METTL8: variants seen among roughly 807,000 people sequenced by gnomAD.
METTL8 encodes methyltransferase 8, tRNA N3-cytidine.
Under a neutral mutation model 48.7 loss-of-function variants are expected in METTL8, and 32 were observed. The observed-to-expected ratio is 0.66, with a 90% CI of 0.50 to 0.88. METTL8 has a LOEUF of 0.88. METTL8 is among the 40% of genes least tolerant of loss of function. METTL8 has a pLI of 0.00. For synonymous variants in METTL8, 136 were observed against 157.1 expected (o/e 0.87, Z 1.01); for missense variants, 464 against 474.4 (o/e 0.98, Z 0.20).
In METTL8 at chr2:171,320,121, T is replaced by C. The variant is rs1342854381; in HGVS notation, c.*4051A>G. 1 of 152,070 alleles carries C rather than the reference T, an allele frequency of 6.6e-6. No individual in the cohort carries two copies. The highest frequency in any genetic ancestry group is 2.1e-4 in the South Asian group (1 of 4,812). The allele number at this position is 152,070 out of a possible 1,614,324, so 9.4% of individuals were successfully genotyped here. A position where few individuals can be genotyped will look rare whatever the true frequency, so the allele number is the denominator to read the frequency against. On this transcript the variant is annotated 3_prime_UTR_variant, in exon 10 of 10. Transcript: ENST00000375258. ...TAACATCTATAGACAAAATTCCAAATAGGTCTTTCCCTTTTCTTTCTGTGC... is the reference window on the plus strand; with the variant it reads ...TAACATCTATAGACAAAATTCCAAACAGGTCTTTCCCTTTTCTTTCTGTGC...
chr2:171,409,002 A>G (rs1334155923), intron 1 of METTL8, among the ~76,000 whole-genome samples: 2 of 152,172 alleles, frequency 1.3e-5, no homozygotes, highest in Admixed American at 1.3e-4. Context: ...GCCTTCCACT[A>G]AGATGCTGCT....
At chr2:171,352,229 T>C (rs1361347221) in intron 3 of METTL8, among the ~76,000 whole-genome samples, 3 of 152,256 alleles carry the variant, frequency 2.0e-5, no homozygotes, top group Admixed American at 2.0e-4. Context: ...CATGTGGTTT[T>C]TATCTTTCCT....
chr2:171,365,408 C>T (rs1231363025), intron 2 of METTL8, among the ~76,000 whole-genome samples: 4 of 152,146 alleles, frequency 2.6e-5, no homozygotes, highest in Non-Finnish European at 1.5e-5. Context: ...CTTCCTCATC[C>T]GTTCCTACCC....
At chr2:171,370,707 C>A (rs985040819) in intron 2 of METTL8, among the ~76,000 whole-genome samples, 1 of 152,120 alleles carries the variant, frequency 6.6e-6, no homozygotes, top group Admixed American at 6.5e-5. Context: ...AGGAGAATGG[C>A]GTGAACCCGG....
rs1685055382 is a variant in METTL8 at position 171,327,310 on chromosome 2, A to G, written c.861-1162T>C. Reference sequence around the variant, plus strand: ...TGATTATGGGCCAGGGATGGCATAGATTTCAGATCTCATATTAATTCTGAG... The same window carrying G: ...TGATTATGGGCCAGGGATGGCATAGGTTTCAGATCTCATATTAATTCTGAG... On this transcript the variant is annotated intron_variant, in intron 7 of 9. Transcript: ENST00000375258. Among the ~76,000 whole-genome samples the G allele has an allele frequency of 3.9e-5, 6 of 152,300 alleles. No individual in the cohort carries two copies. In the South Asian group the frequency reaches 1.2e-3, roughly 32 times the overall value.
intron 6 of METTL8, among the ~76,000 whole-genome samples, 161 bp from the exon 7 acceptor site, chr2:171,330,859 C>A (rs1319068485): frequency 6.6e-6 from 1 of 151,978 alleles, no homozygotes; most frequent in African/African-American, 2.4e-5. Flanking sequence ...TAGCTTATTT[C>A]AAGCTGCCCT....
chr2:171,420,903 T>C (rs1167011377), intron 1 of METTL8, among the ~76,000 whole-genome samples: 7 of 152,220 alleles, frequency 4.6e-5, no homozygotes, highest in Non-Finnish European at 8.8e-5. Flanking sequence ...TTCATTAACT[T>C]GATAAAGGGT....
chr2:171,389,143 C>T (rs1183672337), intron 2 of METTL8, among the ~76,000 whole-genome samples: 2 of 152,156 alleles, frequency 1.3e-5, no homozygotes, highest in African/African-American at 4.8e-5. Flanking sequence ...AGGCCTTTTG[C>T]AAGCTGAGAT....
intron 3 of METTL8, among the ~76,000 whole-genome samples, chr2:171,340,198 CAAAA>C (rs35343261): frequency 3.9e-5 from 5 of 127,404 alleles, no homozygotes; most frequent in Non-Finnish European, 6.6e-5. Context: ...AACTCTGTCT[CAAAA>C]AAAAAAAAAA....
chr2:171,378,769 A>T (rs538560744), intron 2 of METTL8, among the ~76,000 whole-genome samples: 181 of 152,374 alleles, frequency 1.2e-3, no homozygotes, highest in African/African-American at 4.2e-3. Flanking sequence ...AAGTTCTTAG[A>T]GACCTACAAG....
chr2:171,382,423 A>G (rs1687640849), intron 2 of METTL8, among the ~76,000 whole-genome samples: 1 of 152,214 alleles, frequency 6.6e-6, no homozygotes, highest in South Asian at 2.1e-4. Flanking sequence ...ATGAAGCTGG[A>G]AGCCATCATC....
chr2:171,373,993 G>A (rs1276501879), intron 2 of METTL8, among the ~76,000 whole-genome samples: 3 of 152,252 alleles, frequency 2.0e-5, no homozygotes, highest in African/African-American at 7.2e-5. Context: ...GAACTTTAAA[G>A]TAGTTTTTTC....
At chr2:171,324,891 G>C (rs187864789) in intron 9 of METTL8, among the ~76,000 whole-genome samples, 36 of 152,204 alleles carry the variant, frequency 2.4e-4, no homozygotes, top group African/African-American at 8.7e-4. Context: ...AATCACTTGA[G>C]GTCAGGAGTT....
chr2:171,377,902 AT>A (rs1238345431), intron 2 of METTL8, among the ~76,000 whole-genome samples: 1 of 152,234 alleles, frequency 6.6e-6, no homozygotes, highest in African/African-American at 2.4e-5. Context: ...AAAAGAAGTA[AT>A]TATATGGAAA....
chr2:171,429,071 A>G (rs1025314951), intron 1 of METTL8, among the ~76,000 whole-genome samples: 1 of 152,156 alleles, frequency 6.6e-6, no homozygotes, highest in African/African-American at 2.4e-5. Flanking sequence ...CTTCAAGGCT[A>G]TGAGATTTCT....
rs60563600 is a variant in METTL8 at position 171,404,052 on chromosome 2, C to CATATATATATAT, written c.-12-11867_-12-11856dup. On this transcript the variant is annotated intron_variant, in intron 1 of 9. Coordinates refer to ENST00000375258, the MANE Select transcript of METTL8 (RefSeq NM_001321154.2). Reference sequence around the variant, plus strand: ...AAACCCTATACATACTATGCTTTCTCATATATATATATATATATATATATA... The same window carrying CATATATATATAT: ...AAACCCTATACATACTATGCTTTCTCATATATATATATATATATATATATATATATATATATA... Among the ~76,000 whole-genome samples, 76 of 43,958 alleles carry CATATATATATAT rather than the reference C, an allele frequency of 1.7e-3. 6 individuals carry two copies. The highest frequency in any genetic ancestry group is 2.3e-3 in the Non-Finnish European group (55 of 24,364). The allele number at this position is 43,958 out of a possible 152,430, so 28.8% of individuals were successfully genotyped here. A position where few individuals can be genotyped will look rare whatever the true frequency, so the allele number is the denominator to read the frequency against.
upstream of METTL8, chr2:171,434,766 C>T (rs1169271923): frequency 7.2e-7 from 1 of 1,389,550 alleles, no homozygotes. Flanking sequence ...GAGCCTCCTG[C>T]GGGGATGCGG....
At chr2:171,375,263 T>G in intron 2 of METTL8, 1 of 1,035,986 alleles carries the variant, frequency 9.7e-7, no homozygotes, top group Non-Finnish European at 1.5e-6. Context: ...CCGTTGTTCC[T>G]TCTTTTCTTT....
At chr2:171,362,531 G>A (rs1029238481) in intron 2 of METTL8, among the ~76,000 whole-genome samples, 8 of 151,306 alleles carry the variant, frequency 5.3e-5, no homozygotes, top group Non-Finnish European at 7.4e-5. Flanking sequence ...TAAATACACC[G>A]TTGAAGGTAC....
Sources: gnomAD v4.1 joint callset for allele counts (sites outside exome capture counted in the v4.1 genomes callset) on GRCh38, gnomAD v4.1.1 for gene constraint, MANE v1.5 for transcripts, NCBI Gene and HGNC (gene_info 2026-07-23, HGNC 2026-07-21) for gene names.